YAP1: variants seen among roughly 807,000 people sequenced by gnomAD.
The protein encoded by YAP1 is transcriptional coactivator YAP1.
YAP1 carries 5 observed loss-of-function variants against 56.9 expected under a neutral mutation model. That is an observed-to-expected ratio of 0.09 (90% CI 0.05 to 0.18). YAP1 has a LOEUF of 0.18. Among genes scored for constraint, YAP1 ranks in the 10% least tolerant of loss-of-function variants. The pLI is 1.00. For missense variants in YAP1, 539 were observed against 651.8 expected, an observed-to-expected ratio of 0.83 and a Z score of 1.88; for synonymous variants, 265 against 248.1, an observed-to-expected ratio of 1.07 and a Z score of -0.64.
rs1489749556 is a variant in YAP1, at chr11:102,111,003, A to T, written c.155A>T (p.His52Leu). ...GCGCCGCAGGCACCCCCCGCCGGGC[A>T]TCAGATCGTGCACGTCCGCGGGGAC... ...QAAPQAPPAG[H>L]QIVHVRGDSE... is the part of the protein sequence containing the mutation. The change falls in exon 1 of 9, where the codon CAT becomes CTT. Residue 52 changes from histidine to leucine, a missense_variant. Physicochemically the swap from His to Leu is moderately conservative, Grantham distance 99. Transcript: ENST00000282441. The T allele has an allele frequency of 2.7e-5, 42 of 1,578,036 alleles. No homozygotes were observed. The highest frequency in any genetic ancestry group is 3.6e-5 in the Non-Finnish European group (42 of 1,164,430).
chr11:102,216,777 G>A lies in YAP1; in HGVS notation c.1033-6845G>A, dbSNP rs141361682. Among the ~76,000 whole-genome samples the A allele has an allele frequency of 7.0e-3, 1,062 of 152,292 alleles. 5 individuals carry two copies. Among genetic ancestry groups the A allele is most frequent in the Middle Eastern group, 0.017 (5 of 294 alleles). The stretch of plus-strand genomic sequence containing the variant: ...TTGTTAAACTTCTGTTTTCCCAAAG[G>A]TAACTAGGATAAATAGTTTGACAGA... On this transcript the variant is annotated intron_variant, in intron 6 of 8. Transcript: ENST00000282441.
At chr11:102,220,703 T>G (rs530751557) in intron 6 of YAP1, among the ~76,000 whole-genome samples, 98 of 152,202 alleles carry the variant, frequency 6.4e-4, no homozygotes, top group Non-Finnish European at 1.1e-3. Flanking sequence ...CATGAGTCTA[T>G]GCAGGAACTG....
chr11:102,119,034 A>G (rs999868068), intron 2 of YAP1, among the ~76,000 whole-genome samples: 3 of 151,892 alleles, frequency 2.0e-5, no homozygotes, highest in Non-Finnish European at 2.9e-5. Flanking sequence ...TCAAATTGCA[A>G]TCACGAAGTA....
chr11:102,180,972 C>T (rs931451637), intron 3 of YAP1, among the ~76,000 whole-genome samples: 6 of 151,770 alleles, frequency 4.0e-5, no homozygotes, highest in Non-Finnish European at 8.8e-5. Context: ...CATAATGAGA[C>T]CCCATCTCTA....
chr11:102,214,133 G>A (rs1311892040), intron 6 of YAP1, among the ~76,000 whole-genome samples: 3 of 152,114 alleles, frequency 2.0e-5, no homozygotes, highest in East Asian at 1.9e-4. Flanking sequence ...CAACACTGCT[G>A]TATAAAGATG....
At chr11:102,115,698 C>T (rs1272955677) in intron 2 of YAP1, among the ~76,000 whole-genome samples, 2 of 151,938 alleles carry the variant, frequency 1.3e-5, no homozygotes, top group East Asian at 3.9e-4. Context: ...GGAAAGTACA[C>T]ACAAGTCTGG....
intron 2 of YAP1, among the ~76,000 whole-genome samples, chr11:102,153,960 G>T (rs1945806222): frequency 6.6e-6 from 1 of 152,022 alleles, no homozygotes; most frequent in Admixed American, 6.6e-5. Flanking sequence ...CATAGATTGA[G>T]GCAGTCTCTA....
chr11:102,223,268 A>AG (rs1950038023), intron 6 of YAP1, among the ~76,000 whole-genome samples: 1 of 151,614 alleles, frequency 6.6e-6, no homozygotes. Context: ...AAAAAAAAAA[A>AG]AAAAGAAGAA....
Position 102,183,702 on chromosome 11 carries a change from C to CTGTGTGTGTGTGTGTGTG in YAP1, c.689-2296_689-2279dup, listed in dbSNP as rs140546191. Among the ~76,000 whole-genome samples the CTGTGTGTGTGTGTGTGTG allele has an allele frequency of 7.6e-3, 1,080 of 141,792 alleles. 8 individuals carry two copies. The highest frequency in any genetic ancestry group is 0.01 in the Non-Finnish European group (667 of 65,388). The allele number at this position is 141,792 out of a possible 152,430, so 93.0% of individuals were successfully genotyped here. A position where few individuals can be genotyped will look rare whatever the true frequency, so the allele number is the denominator to read the frequency against. On this transcript the variant is annotated intron_variant, in intron 3 of 8. Coordinates refer to ENST00000282441, the MANE Select transcript of YAP1 (RefSeq NM_001130145.3). ...GCTAAGGTGGGGAATAATGCTGTTT[C>CTGTGTGTGTGTGTGTGTG]TGTGTGTGTGTGTGTGTGTGTGTGT... is the stretch of plus-strand genomic sequence containing the variant.
At chr11:102,225,706 T>G (rs900373600) in intron 7 of YAP1, among the ~76,000 whole-genome samples, 1 of 152,170 alleles carries the variant, frequency 6.6e-6, no homozygotes, top group African/African-American at 2.4e-5. Flanking sequence ...ACTTCTAAGC[T>G]CCCTGTTTGT....
At chr11:102,135,381 C>T (rs920422918) in intron 2 of YAP1, among the ~76,000 whole-genome samples, 10 of 152,144 alleles carry the variant, frequency 6.6e-5, no homozygotes, top group African/African-American at 2.4e-4. Context: ...TTCCATGCAG[C>T]ATTGATGGAG....
At chr11:102,143,585 T>C (rs569681046) in intron 2 of YAP1, among the ~76,000 whole-genome samples, 12 of 152,172 alleles carry the variant, frequency 7.9e-5, no homozygotes, top group Non-Finnish European at 1.2e-4. Flanking sequence ...TGTGCGATAA[T>C]GTGTGATACT....
At chr11:102,151,707 T>C (rs919797383) in intron 2 of YAP1, among the ~76,000 whole-genome samples, 4 of 152,180 alleles carry the variant, frequency 2.6e-5, no homozygotes, top group Non-Finnish European at 5.9e-5. Context: ...AGACAAACTG[T>C]AGCTCAGATA....
chr11:102,166,743 T>C (rs1395224589), intron 3 of YAP1, among the ~76,000 whole-genome samples: 1 of 152,220 alleles, frequency 6.6e-6, no homozygotes. Context: ...ATTTACATTT[T>C]TATTACTCAT....
In YAP1 at chr11:102,127,798, T is replaced by G. The variant is rs543091046; in HGVS notation, c.572+13404T>G. On this transcript the variant is annotated intron_variant, in intron 2 of 8. Transcript: ENST00000282441. ...CTGTGAGAGCAGCCAGAAGGGAGGC[T>G]GTACCCTGTAAAACCACAGGGGCGG... is the stretch of plus-strand genomic sequence containing the variant. Among the ~76,000 whole-genome samples, 5 of 152,314 alleles carry G rather than the reference T, an allele frequency of 3.3e-5. No individual in the cohort carries two copies. In the East Asian group the frequency reaches 9.7e-4, roughly 29 times the overall value.
At chr11:102,197,907 C>A (rs1948651537) in intron 4 of YAP1, among the ~76,000 whole-genome samples, 1 of 152,102 alleles carries the variant, frequency 6.6e-6, no homozygotes, top group African/African-American at 2.4e-5. Context: ...CTCTGCTGCA[C>A]CCCATGTGGG....
At position 102,186,863 on chromosome 11, in the gene YAP1, GT is replaced by G. The variant is rs1947992468; in HGVS notation, c.802+737del. Among the ~76,000 whole-genome samples, 7 of 73,802 alleles carry G rather than the reference GT, an allele frequency of 9.5e-5. No individual in the cohort carries two copies. In the South Asian group the frequency reaches 4.6e-3, roughly 48 times the overall value. The allele number at this position is 73,802 out of a possible 152,430, so 48.4% of individuals were successfully genotyped here. A position where few individuals can be genotyped will look rare whatever the true frequency, so the allele number is the denominator to read the frequency against. On this transcript the variant is annotated intron_variant, in intron 4 of 8. Transcript: ENST00000282441. ...GTGTGTGTGTTTTAAACTGTTTTCA[GT>G]TTTTCATTTGGGTTTCTGAGATATT...
chr11:102,118,280 C>G (rs1300115260), intron 2 of YAP1, among the ~76,000 whole-genome samples: 1 of 152,074 alleles, frequency 6.6e-6, no homozygotes, highest in African/African-American at 2.4e-5. Flanking sequence ...TGCGAAGATT[C>G]AAGGTTTTTT....
At chr11:102,186,814 A>ATGTGTATGTGTGTGTG in intron 4 of YAP1, 1 of 138,418 alleles carries the variant, frequency 7.2e-6, no homozygotes, top group Non-Finnish European at 1.6e-5. Context: ...TTTTTAAAAA[A>ATGTGTATGTGTGTGTG]TGTGTGTGTG....
Sources: gnomAD v4.1 joint callset for allele counts (sites outside exome capture counted in the v4.1 genomes callset) on GRCh38, gnomAD v4.1.1 for gene constraint, MANE v1.5 for transcripts, NCBI Gene and HGNC (gene_info 2026-07-23, HGNC 2026-07-21) for gene names.